The following ZNF277 variants were observed in gnomAD, a reference collection of about 807,000 sequenced individuals.
The protein encoded by ZNF277 is nuclear receptor-interacting factor 4.
A neutral mutation model predicts 60.7 loss-of-function variants in ZNF277; 55 were observed. The ratio of observed to expected loss-of-function variants is 0.91; its 90% CI spans 0.73 to 1.13. ZNF277 has a LOEUF of 1.13. Ranked by LOEUF, ZNF277 falls within the 50% of genes most tolerant of loss-of-function variation. The pLI, the probability that ZNF277 is intolerant of heterozygous loss-of-function variation, is 0.00. For synonymous variants in ZNF277, 178 were observed against 179.3 expected, an observed-to-expected ratio of 0.99 and a Z score of 0.06; for missense variants, 510 against 523.0, an observed-to-expected ratio of 0.98 and a Z score of 0.24.
chr7:112,225,984 G>A (rs1235918369), intron 1 of ZNF277, among the ~76,000 whole-genome samples: 1 of 152,094 alleles, frequency 6.6e-6, no homozygotes, highest in Non-Finnish European at 1.5e-5. Flanking sequence ...TTTTGTGACT[G>A]TCCAAGACAT....
At chr7:112,251,915 G>C (rs1010123871) in intron 1 of ZNF277, among the ~76,000 whole-genome samples, 2 of 152,220 alleles carry the variant, frequency 1.3e-5, no homozygotes, top group Non-Finnish European at 2.9e-5. Flanking sequence ...TTATAAGAGA[G>C]TGTGGTACAT....
chr7:112,336,417 C>T (rs775905029), intron 8 of ZNF277, among the ~76,000 whole-genome samples: 17 of 152,238 alleles, frequency 1.1e-4, no homozygotes, highest in Non-Finnish European at 2.5e-4. Flanking sequence ...ATATATAATT[C>T]AGAGAAAAAT....
At chr7:112,312,267 T>G (rs935592107) in intron 4 of ZNF277, among the ~76,000 whole-genome samples, 1 of 152,110 alleles carries the variant, frequency 6.6e-6, no homozygotes, top group African/African-American at 2.4e-5. Flanking sequence ...GCAGATGAAT[T>G]ATTTTGTAAT....
At chr7:112,267,950 A>G (rs947850939) in intron 1 of ZNF277, among the ~76,000 whole-genome samples, 1 of 152,158 alleles carries the variant, frequency 6.6e-6, no homozygotes, top group Non-Finnish European at 1.5e-5. Context: ...AGGGACAGAT[A>G]TGCATTTTTG....
rs1051969084 is a variant in ZNF277, at chr7:112,208,302, G to A, written c.91+1495G>A. On this transcript the variant is annotated intron_variant, in intron 1 of 11. Transcript: ENST00000361822. The stretch of plus-strand genomic sequence containing the variant: ...AGGCAGGAGAATCCCTTGAGCCCGG[G>A]AGGCGGAGGTTGTGGTGAGCCATGA... 1.1e-4 allele frequency among the ~76,000 whole-genome samples: 16 copies of A among 152,186 alleles called. No homozygotes were observed. The East Asian group carries it at 3.1e-3, about 30-fold the overall frequency.
rs1451412078 is a variant in ZNF277, at chr7:112,282,628, C to G, written c.92-4245C>G. The stretch of plus-strand genomic sequence containing the variant: ...CCACTGCTATTGCTGCTGCCTCAGA[C>G]AAGCCCTCAGGCTTAGACACTGCAG... On this transcript the variant is annotated intron_variant, in intron 1 of 11. Transcript: ENST00000361822. Among the ~76,000 whole-genome samples the G allele has an allele frequency of 2.0e-5, 3 of 152,250 alleles. 1 individual carries two copies. The highest frequency in any genetic ancestry group is 1.3e-4 in the Admixed American group (2 of 15,288).
chr7:112,296,165 A>T, intron 3 of ZNF277, 64 bp from the exon 4 acceptor site: 1 of 1,194,570 alleles, frequency 8.4e-7, no homozygotes, highest in Admixed American at 2.0e-5. Context: ...TTAAGAAATA[A>T]GTCCTTCTGG....
At chr7:112,305,888 G>GA (rs1792577804) in intron 4 of ZNF277, among the ~76,000 whole-genome samples, 1 of 152,068 alleles carries the variant, frequency 6.6e-6, no homozygotes, top group Non-Finnish European at 1.5e-5. Context: ...CTGTTCAAGA[G>GA]AAGAGGCTCA....
Position 112,232,699 on chromosome 7 carries a change from T to C in ZNF277, c.91+25892T>C, listed in dbSNP as rs78233541. 3.2e-3 allele frequency among the ~76,000 whole-genome samples: 491 copies of C among 152,268 alleles called. 2 individuals are homozygous for C. The highest frequency in any genetic ancestry group is 0.011 in the African/African-American group (459 of 41,552). ...GCGCAGTTGTGTATCAAATGTTTTT[T>C]GCAGTGTCTAAGTCAAAAATATGGT... On this transcript the variant is annotated intron_variant, in intron 1 of 11. Transcript: ENST00000361822.
At chr7:112,279,346 A>G (rs575269322) in intron 1 of ZNF277, among the ~76,000 whole-genome samples, 1 of 152,298 alleles carries the variant, frequency 6.6e-6, no homozygotes, top group African/African-American at 2.4e-5. Flanking sequence ...ATGTATCTAC[A>G]TCCTTGCCAA....
intron 4 of ZNF277, among the ~76,000 whole-genome samples, chr7:112,307,401 A>G (rs1792623255): frequency 6.6e-6 from 1 of 151,828 alleles, no homozygotes; most frequent in African/African-American, 2.4e-5. Flanking sequence ...ACTCAAAATA[A>G]GTTATGAATT....
Position 112,236,839 on chromosome 7 carries a change from C to CA in ZNF277, c.91+30039dup, listed in dbSNP as rs905100930. 3.3e-5 allele frequency among the ~76,000 whole-genome samples: 5 copies of CA among 151,922 alleles called. No individual in the cohort carries two copies. The South Asian group carries it at 8.3e-4, about 25-fold the overall frequency. ...ACAGATCATCCAGACAGAAAATCAA[C>CA]AAAAAAACACTGGGCTTAAATTGGA... On this transcript the variant is annotated intron_variant, in intron 1 of 11. Transcript: ENST00000361822.
At chr7:112,303,910 C>G (rs183373944) in intron 4 of ZNF277, among the ~76,000 whole-genome samples, 1 of 152,174 alleles carries the variant, frequency 6.6e-6, no homozygotes, top group Non-Finnish European at 1.5e-5. Flanking sequence ...AAGCAGATGG[C>G]TGTTGCCTTT....
intron 1 of ZNF277, among the ~76,000 whole-genome samples, chr7:112,224,834 T>C (rs1471072730): frequency 1.2e-4 from 18 of 152,200 alleles, no homozygotes; most frequent in South Asian, 8.3e-4. Flanking sequence ...AGTCAAGTTA[T>C]TAAAAGTCCT....
At chr7:112,233,924 CT>C (rs530960466) in intron 1 of ZNF277, among the ~76,000 whole-genome samples, 70 of 148,438 alleles carry the variant, frequency 4.7e-4, no homozygotes, top group Middle Eastern at 3.5e-3. Flanking sequence ...TTTCTGGCTA[CT>C]TTTTTTTTTC....
Position 112,342,663 on chromosome 7 carries a change from C to T in ZNF277, c.1287C>T (p.Ile429=), listed in dbSNP as rs998903647. 2.5e-6 allele frequency: 4 copies of T among 1,612,426 alleles called. No individual in the cohort carries two copies. The highest frequency in any genetic ancestry group is 2.5e-6 in the Non-Finnish European group (3 of 1,179,814). ...AQEQNENVPI[I]SEDTSKLYAL... Reference sequence around the variant, plus strand: ...AACAAAATGAAAATGTTCCCATCATCAGTGAAGATACATCTAAACTGTATG... The same window carrying T: ...AACAAAATGAAAATGTTCCCATCATTAGTGAAGATACATCTAAACTGTATG... The change falls in exon 12 of 12, where the codon ATC becomes ATT. Residue 429 remains isoleucine, a synonymous_variant. Transcript: ENST00000361822.
chr7:112,243,142 C>A (rs2116997139), intron 1 of ZNF277, among the ~76,000 whole-genome samples: 1 of 152,080 alleles, frequency 6.6e-6, no homozygotes, highest in East Asian at 1.9e-4. Flanking sequence ...AAGAGTGAAA[C>A]TGGACCCATA....
chr7:112,262,490 G>T (rs1791461004), intron 1 of ZNF277, among the ~76,000 whole-genome samples: 1 of 151,962 alleles, frequency 6.6e-6, no homozygotes. Context: ...GTTTGCCATA[G>T]TTATTTATTT....
intron 9 of ZNF277, among the ~76,000 whole-genome samples, chr7:112,338,377 A>G (rs911755360): frequency 6.6e-6 from 1 of 152,112 alleles, no homozygotes; most frequent in Non-Finnish European, 1.5e-5. Flanking sequence ...ACCCCAGTAT[A>G]CCTGAGAGAG....
Sources: gnomAD v4.1 joint callset for allele counts (sites outside exome capture counted in the v4.1 genomes callset) on GRCh38, gnomAD v4.1.1 for gene constraint, MANE v1.5 for transcripts, NCBI Gene and HGNC (gene_info 2026-07-23, HGNC 2026-07-21) for gene names.